Variants in NTN1 observed in about 807,000 individuals in gnomAD.
NTN1 encodes netrin-1.
A neutral mutation model predicts 54.2 loss-of-function variants in NTN1; 11 were observed. The observed-to-expected ratio is 0.20, with a 90% CI of 0.13 to 0.34. NTN1 has a LOEUF of 0.34. Among genes scored for constraint, NTN1 ranks in the 10% least tolerant of loss-of-function variants. The probability of loss-of-function intolerance (pLI) is 1.00; values close to 1 mark genes in which losing one functional copy is unlikely to be tolerated. For synonymous variants in NTN1, 371 were observed against 382.0 expected (o/e 0.97, Z 0.33); for missense variants, 740 against 893.1 (o/e 0.83, Z 2.18).
chr17:9,232,337 C>T (rs1362338117), intron 6 of NTN1, among the ~76,000 whole-genome samples: 2 of 152,190 alleles, frequency 1.3e-5, no homozygotes, highest in Non-Finnish European at 2.9e-5. Flanking sequence ...GGGTGCCAGT[C>T]CCCGATCTCT....
intron 2 of NTN1, among the ~76,000 whole-genome samples, chr17:9,042,125 A>T (rs749198902): frequency 6.6e-6 from 1 of 152,002 alleles, no homozygotes; most frequent in Non-Finnish European, 1.5e-5. Flanking sequence ...ACATATGGGG[A>T]TCCTAGTTTC....
intron 3 of NTN1, among the ~76,000 whole-genome samples, chr17:9,170,755 G>C (rs1302065640): frequency 6.6e-6 from 1 of 152,050 alleles, no homozygotes; most frequent in Non-Finnish European, 1.5e-5. Flanking sequence ...CTGTTGGGAG[G>C]CCTGAGCTGG....
At chr17:9,164,120 A>G (rs1397388915) in intron 3 of NTN1, among the ~76,000 whole-genome samples, 1 of 152,282 alleles carries the variant, frequency 6.6e-6, no homozygotes, top group Non-Finnish European at 1.5e-5. Context: ...ACTTGTGTGC[A>G]GGACTGACTG....
chr17:9,038,982 CAGTT>C (rs1307476151), intron 2 of NTN1, among the ~76,000 whole-genome samples: 2 of 152,070 alleles, frequency 1.3e-5, no homozygotes, highest in Non-Finnish European at 2.9e-5. Context: ...AATATTTAGC[CAGTT>C]ATTCAGTGAC....
In NTN1 at chr17:9,219,064, C is replaced by T. The variant is rs905598433; in HGVS notation, c.1412-2104C>T. ...GCTCACGCAGAATCGCCAGGACTTA[C>T]GCACAACCTGGGTTCAGCCCCAGCA... is the stretch of plus-strand genomic sequence containing the variant. On this transcript the variant is annotated intron_variant, in intron 5 of 6. Transcript: ENST00000173229. This position sits in a 1 kb window ranked among gnomAD's most constrained non-coding sequence, Gnocchi z 4.5. Among the ~76,000 whole-genome samples, 5 of 152,202 alleles carry T rather than the reference C, an allele frequency of 3.3e-5. No homozygotes were observed. The highest frequency in any genetic ancestry group is 4.8e-5 in the African/African-American group (2 of 41,452).
rs1422582340 is a variant in NTN1 at position 9,097,388 on chromosome 17, G to T, written c.1019-65425G>T. 5.9e-5 allele frequency among the ~76,000 whole-genome samples: 9 copies of T among 152,296 alleles called. No individual in the cohort carries two copies. The East Asian group carries it at 9.6e-4, about 16-fold the overall frequency. ...GCCTATAATCCCAGCACTTTGGGAG[G>T]CTGAGGTGGGCAAATCACGAGGTCG... On this transcript the variant is annotated intron_variant, in intron 2 of 6. Coordinates refer to ENST00000173229, the MANE Select transcript of NTN1 (RefSeq NM_004822.3).
intron 2 of NTN1, among the ~76,000 whole-genome samples, chr17:9,023,832 A>T (rs1267285408): frequency 6.6e-6 from 1 of 152,156 alleles, no homozygotes; most frequent in Non-Finnish European, 1.5e-5. Context: ...ACACCTACAA[A>T]TCCCTTGGGA....
the NTN1 span, among the ~76,000 whole-genome samples, chr17:9,004,540 T>G: frequency 6.6e-6 from 1 of 152,216 alleles, no homozygotes; most frequent in Non-Finnish European, 1.5e-5. Flanking sequence ...CCTACGGAGT[T>G]TGAATGCTGG....
At chr17:9,098,056 G>A (rs12603701) in intron 2 of NTN1, among the ~76,000 whole-genome samples, 70,226 of 152,040 alleles carry the variant, frequency 0.46, 17,880 homozygotes, top group East Asian at 0.95. Context: ...ATTGAGCAGA[G>A]TGAATGGGTT....
intron 2 of NTN1, among the ~76,000 whole-genome samples, chr17:9,085,273 G>A (rs1281098176): frequency 6.6e-6 from 1 of 152,246 alleles, no homozygotes; most frequent in Non-Finnish European, 1.5e-5. Flanking sequence ...CCTCTGGGGG[G>A]CTATCCTCAG....
chr17:9,039,363 C>T (rs1433522471), intron 2 of NTN1, among the ~76,000 whole-genome samples: 1 of 152,134 alleles, frequency 6.6e-6, no homozygotes, highest in Non-Finnish European at 1.5e-5. Flanking sequence ...ATCAACATGT[C>T]TCTTGTATGT....
intron 2 of NTN1, among the ~76,000 whole-genome samples, chr17:9,158,990 G>C (rs1371216123): frequency 6.6e-6 from 1 of 152,208 alleles, no homozygotes; most frequent in African/African-American, 2.4e-5. Context: ...ACTAATGGGT[G>C]AGTGACTTGG....
chr17:9,131,070 C>T (rs772806664), intron 2 of NTN1, among the ~76,000 whole-genome samples: 3 of 152,208 alleles, frequency 2.0e-5, no homozygotes, highest in Non-Finnish European at 4.4e-5. Context: ...GCCAGGCACA[C>T]TCTTAACTCA....
At chr17:9,159,888 A>G (rs770392392) in intron 2 of NTN1, among the ~76,000 whole-genome samples, 2 of 152,218 alleles carry the variant, frequency 1.3e-5, no homozygotes, top group Non-Finnish European at 2.9e-5. Context: ...AGAAATTTGC[A>G]CTACAACAGT....
At chr17:9,127,535 G>T (rs993926100) in intron 2 of NTN1, among the ~76,000 whole-genome samples, 1 of 152,050 alleles carries the variant, frequency 6.6e-6, no homozygotes, top group South Asian at 2.1e-4. Context: ...AGGACGGTTG[G>T]AGTGGTGGCA....
intron 5 of NTN1, among the ~76,000 whole-genome samples, chr17:9,194,548 A>T (rs1295056071): frequency 6.6e-6 from 1 of 152,136 alleles, no homozygotes; most frequent in Non-Finnish European, 1.5e-5. Flanking sequence ...GGGGCTGGAG[A>T]TCTCTTTGAG....
Position 9,223,776 on chromosome 17 carries a change from C to A in NTN1, c.1486+2534C>A, listed in dbSNP as rs1037689864. 2.0e-5 allele frequency among the ~76,000 whole-genome samples: 3 copies of A among 152,168 alleles called. No individual in the cohort carries two copies. In the East Asian group the frequency reaches 5.8e-4, roughly 29 times the overall value. On this transcript the variant is annotated intron_variant, in intron 6 of 6. Coordinates refer to ENST00000173229, the MANE Select transcript of NTN1 (RefSeq NM_004822.3). ...TTGGACCTGGGCACCGCAGCACTGT[C>A]CTCCTAGCAAAGCGGTGGGCCCAGA...
chr17:9,077,840 C>T (rs2092056465), intron 2 of NTN1, among the ~76,000 whole-genome samples: 1 of 152,116 alleles, frequency 6.6e-6, no homozygotes, highest in Non-Finnish European at 1.5e-5. Context: ...TGAGGCAGGA[C>T]CGGTGTTCAA....
intron 5 of NTN1, among the ~76,000 whole-genome samples, chr17:9,200,420 G>A (rs1438169771): frequency 6.6e-6 from 1 of 152,268 alleles, no homozygotes; most frequent in East Asian, 1.9e-4. Flanking sequence ...GTGGGAGATA[G>A]AATGGAGGGC....
Sources: allele counts gnomAD v4.1 joint callset (sites outside exome capture counted in the v4.1 genomes callset), GRCh38; gene constraint gnomAD v4.1.1; non-coding constraint Gnocchi (gnomAD v3.1); transcripts MANE v1.5; gene names NCBI Gene and HGNC (gene_info 2026-07-23, HGNC 2026-07-21).